Variants in GFRA1 observed in about 807,000 individuals in gnomAD.
The protein encoded by GFRA1 is GDNF family receptor alpha 1, also known as GDNF family receptor alpha-1.
A neutral mutation model predicts 51.6 loss-of-function variants in GFRA1; 16 were observed. That is an observed-to-expected ratio of 0.31 (90% CI 0.21 to 0.47). The LOEUF (loss-of-function observed/expected upper bound fraction) is 0.47, where lower values mean the gene tolerates loss of function less well. Among genes scored for constraint, GFRA1 ranks in the 20% least tolerant of loss-of-function variants. GFRA1 has a pLI of 1.00. For synonymous variants in GFRA1, 270 were observed against 241.3 expected (o/e 1.12, Z -1.10); for missense variants, 530 against 594.3 (o/e 0.89, Z 1.13).
At chr10:116,243,420 C>G (rs1001517961) in intron 4 of GFRA1, among the ~76,000 whole-genome samples, 1 of 151,948 alleles carries the variant, frequency 6.6e-6, no homozygotes, top group African/African-American at 2.4e-5. Flanking sequence ...TTTGGTACTT[C>G]TCATTTCTTC....
intron 4 of GFRA1, among the ~76,000 whole-genome samples, chr10:116,217,927 C>T (rs762634803): frequency 9.9e-5 from 15 of 152,068 alleles, no homozygotes; most frequent in Non-Finnish European, 2.9e-5. Context: ...AAAACCTCTG[C>T]GACTTGCATA....
chr10:116,089,760 G>A lies in GFRA1; in HGVS notation c.1178C>T (p.Pro393Leu). 6.2e-7 allele frequency: 1 copy of A among 1,614,058 alleles called. No homozygotes were observed. ...SENEIPTHVLPPCANLQAQKL... is the reference protein window; with the variant it reads ...SENEIPTHVLLPCANLQAQKL... ...TCTCACCTGTAAATTTGCACACGGT[G>A]GCAAAACATGAGTGGGAATTTCATT... The change falls in exon 9 of 11, where the codon CCA becomes CTA. Residue 393 changes from proline to leucine, a missense_variant. Transcript: ENST00000355422.
chr10:116,105,540 C>T (rs73367248), intron 6 of GFRA1, among the ~76,000 whole-genome samples: 3,132 of 152,232 alleles, frequency 0.021, 109 homozygotes, highest in African/African-American at 0.071. Context: ...TAATTATTTA[C>T]GCACACCCTG....
chr10:116,064,386 T>C lies in GFRA1; in HGVS notation c.*12A>G. ...TCTTTTTACATGTCCATATTGTATT[T>C]TTTTAATGCAGCTATGATGTTTCTG... On this transcript the variant is annotated 3_prime_UTR_variant, in exon 11 of 11. Transcript: ENST00000355422. The C allele has an allele frequency of 6.2e-7, 1 of 1,611,004 alleles. No individual in the cohort carries two copies. Among genetic ancestry groups the C allele is most frequent in the Non-Finnish European group, 8.5e-7 (1 of 1,178,858 alleles).
At chr10:116,270,485 A>T (rs1843814777) in intron 3 of GFRA1, among the ~76,000 whole-genome samples, 1 of 152,334 alleles carries the variant, frequency 6.6e-6, no homozygotes, top group East Asian at 1.9e-4. Context: ...CGAAAGCCCC[A>T]GGCTGGCTCT....
intron 9 of GFRA1, among the ~76,000 whole-genome samples, chr10:116,072,302 A>T (rs1437184733): frequency 1.3e-5 from 2 of 152,158 alleles, no homozygotes; most frequent in Non-Finnish European, 2.9e-5. Context: ...GAAGTCCACT[A>T]GTGTGGCCCG....
At chr10:116,107,566 C>CT (rs35263764) in intron 6 of GFRA1, among the ~76,000 whole-genome samples, 26,205 of 151,780 alleles carry the variant, frequency 0.17, 2,293 homozygotes, top group East Asian at 0.22. Context: ...ATCATACTCC[C>CT]TTTTTTTTAT....
At chr10:116,235,718 G>A (rs1038410967) in intron 4 of GFRA1, among the ~76,000 whole-genome samples, 1 of 152,170 alleles carries the variant, frequency 6.6e-6, no homozygotes, top group Non-Finnish European at 1.5e-5. Flanking sequence ...TGGAAGTGGA[G>A]CCTTTCGGCA....
At chr10:116,206,816 T>G (rs1964811642) in intron 5 of GFRA1, among the ~76,000 whole-genome samples, 2 of 151,478 alleles carry the variant, frequency 1.3e-5, no homozygotes, top group Admixed American at 6.6e-5. Flanking sequence ...GTATTTTTAG[T>G]AGAGACGGGG....
At chr10:116,200,102 C>T (rs1964210257) in intron 5 of GFRA1, among the ~76,000 whole-genome samples, 1 of 152,102 alleles carries the variant, frequency 6.6e-6, no homozygotes, top group South Asian at 2.1e-4. Context: ...CACAGTTTGT[C>T]CTTTCTCCTA....
At chr10:116,111,175 T>C (rs1166675233) in intron 6 of GFRA1, among the ~76,000 whole-genome samples, 3 of 152,186 alleles carry the variant, frequency 2.0e-5, no homozygotes, top group Non-Finnish European at 2.9e-5. Context: ...AGGAAGAAGA[T>C]TTAATTACCT....
intron 4 of GFRA1, among the ~76,000 whole-genome samples, chr10:116,229,427 G>T (rs992629254): frequency 6.6e-6 from 1 of 152,180 alleles, no homozygotes; most frequent in Non-Finnish European, 1.5e-5. Context: ...AATTCTGTTT[G>T]TTCTTGTAGG....
At chr10:116,264,766 A>G (rs2532694) in intron 4 of GFRA1, among the ~76,000 whole-genome samples, 151,265 of 152,336 alleles carry the variant, frequency 0.99, 75,109 homozygotes, top group East Asian at 1. Flanking sequence ...GGGGCTTCAA[A>G]ATGGAGAGCA....
chr10:116,156,030 G>A (rs1959192084), intron 5 of GFRA1, among the ~76,000 whole-genome samples: 1 of 152,184 alleles, frequency 6.6e-6, no homozygotes, highest in Non-Finnish European at 1.5e-5. Flanking sequence ...AGGTACTGAA[G>A]GAGACGATAT....
intron 4 of GFRA1, among the ~76,000 whole-genome samples, chr10:116,236,352 A>C (rs1041437926): frequency 6.6e-6 from 1 of 152,172 alleles, no homozygotes; most frequent in Non-Finnish European, 1.5e-5. Context: ...AAGGTGCCTG[A>C]GGTGGAAAAT....
At chr10:116,239,182 T>G (rs1967148361) in intron 4 of GFRA1, among the ~76,000 whole-genome samples, 1 of 152,250 alleles carries the variant, frequency 6.6e-6, no homozygotes, top group Non-Finnish European at 1.5e-5. Context: ...ATTGATAAAT[T>G]CTGTTCAAAG....
chr10:116,145,347 A>G (rs1754217751), intron 5 of GFRA1, among the ~76,000 whole-genome samples: 1 of 152,046 alleles, frequency 6.6e-6, no homozygotes, highest in Non-Finnish European at 1.5e-5. Context: ...GGTAATCAAT[A>G]AAAAAGACTG....
At chr10:116,224,640 G>GTAA (rs1966153644) in intron 4 of GFRA1, among the ~76,000 whole-genome samples, 1 of 152,186 alleles carries the variant, frequency 6.6e-6, no homozygotes, top group Non-Finnish European at 1.5e-5. Context: ...TCCAGAATTG[G>GTAA]TAAATCAAGA....
intron 4 of GFRA1, among the ~76,000 whole-genome samples, chr10:116,242,392 A>G (rs552427654): frequency 2.0e-5 from 3 of 152,338 alleles, no homozygotes; most frequent in African/African-American, 4.8e-5. Context: ...GCAGGTAACG[A>G]TAATTTGTTC....
Sources: gnomAD v4.1 joint callset for allele counts (sites outside exome capture counted in the v4.1 genomes callset) on GRCh38, gnomAD v4.1.1 for gene constraint, MANE v1.5 for transcripts, NCBI Gene and HGNC (gene_info 2026-07-23, HGNC 2026-07-21) for gene names.